DEFB118: variants seen among roughly 807,000 people sequenced by gnomAD.
DEFB118 encodes defensin beta 118.
A neutral mutation model predicts 2.8 loss-of-function variants in DEFB118; 3 were observed. That is an observed-to-expected ratio of 1.09 (90% CI 0.50 to 2.82). The LOEUF (loss-of-function observed/expected upper bound fraction) is 2.82, where lower values mean the gene tolerates loss of function less well. Ranked by LOEUF, DEFB118 falls within the 30% of genes most tolerant of loss-of-function variation. The probability of loss-of-function intolerance (pLI) is 0.04; values close to 1 mark genes in which losing one functional copy is unlikely to be tolerated. For synonymous variants in DEFB118, 63 were observed against 53.5 expected (o/e 1.18, Z -0.78); for missense variants, 159 against 144.6 (o/e 1.10, Z -0.51).
Position 31,372,922 on chromosome 20 carries a change from G to A in DEFB118, c.124G>A (p.Glu42Lys). The A allele has an allele frequency of 6.2e-7, 1 of 1,614,174 alleles. No individual in the cohort carries two copies. Among genetic ancestry groups the A allele is most frequent in the African/African-American group, 1.3e-5 (1 of 75,046 alleles). Residue 42 changes from glutamate (E) to lysine (K), a missense_variant, in exon 2 of 2, where the codon GAA (glutamate) becomes AAA (lysine). Glu to Lys is a moderately conservative substitution (Grantham distance 56). Transcript: ENST00000253381. ...CTGCAGGAAACAATGCAAAGATGGA[G>A]AAGCAGTGAAAGATACATGCAAAAA... The part of the protein sequence containing the change: ...GHCRKQCKDG[E>K]AVKDTCKNLR...
chr20:31,373,062 G>A lies in DEFB118; in HGVS notation c.264G>A (p.Arg88=), dbSNP rs1986243457. The A allele has an allele frequency of 3.1e-6, 5 of 1,614,062 alleles. No homozygotes were observed. The East Asian group carries it at 8.9e-5, about 29-fold the overall frequency. The change falls in exon 2 of 2, where the codon AGG becomes AGA. Residue 88 remains arginine (R), a synonymous_variant. Coordinates refer to ENST00000253381, the MANE Select transcript of DEFB118 (RefSeq NM_054112.3). ...PGIIDDILTV[R]FTTDYFEVSS... ...TTATTGATGATATTTTAACAGTAAG[G>A]TTCACGACAGACTACTTTGAAGTAA... is the stretch of plus-strand genomic sequence containing the variant.
At chr20:31,369,121 T>C (rs1319169333) in intron 1 of DEFB118, among the ~76,000 whole-genome samples, 1 of 152,220 alleles carries the variant, frequency 6.6e-6, no homozygotes, top group Non-Finnish European at 1.5e-5. Context: ...AAAACACTGG[T>C]AGAGCTGTTA....
At position 31,373,204 on chromosome 20, in the gene DEFB118, G is replaced by A. The variant is rs1478025027; in HGVS notation, c.*34G>A. Reference sequence around the variant, plus strand: ...CGGCTATCACTCACCCCTGTCCTCAGAGTGATAAACTAAGTCACATACAGA... The same window carrying A: ...CGGCTATCACTCACCCCTGTCCTCAAAGTGATAAACTAAGTCACATACAGA... On this transcript the variant is annotated 3_prime_UTR_variant, in exon 2 of 2. Transcript: ENST00000253381. 1 of 1,591,342 alleles carries A rather than the reference G, an allele frequency of 6.3e-7. No homozygotes were observed. Among genetic ancestry groups the A allele is most frequent in the Admixed American group, 1.7e-5 (1 of 59,252 alleles).
chr20:31,372,426 G>C (rs149696633), intron 1 of DEFB118, among the ~76,000 whole-genome samples: 1 of 152,114 alleles, frequency 6.6e-6, no homozygotes, highest in Non-Finnish European at 1.5e-5. Flanking sequence ...GCGCGTGCCT[G>C]TAGTCCCAGC....
At chr20:31,369,392 T>TG (rs974855351) in intron 1 of DEFB118, among the ~76,000 whole-genome samples, 2 of 145,318 alleles carry the variant, frequency 1.4e-5, no homozygotes, top group African/African-American at 2.6e-5. Flanking sequence ...TGTGTTTTTT[T>TG]TTTTTTTTTT....
chr20:31,371,794 A>G (rs1986214594), intron 1 of DEFB118, among the ~76,000 whole-genome samples: 1 of 152,166 alleles, frequency 6.6e-6, no homozygotes, highest in African/African-American at 2.4e-5. Flanking sequence ...TCACTGGAGT[A>G]GTGTACATTA....
chr20:31,372,972 C>A lies in DEFB118; in HGVS notation c.174C>A (p.Ser58=). 1 of 1,614,174 alleles carries A rather than the reference C, an allele frequency of 6.2e-7. No homozygotes were observed. Among genetic ancestry groups the A allele is most frequent in the Non-Finnish European group, 8.5e-7 (1 of 1,180,018 alleles). ...ATCTTCGAGCTTGCTGCATTCCATC[C>A]AATGAAGACCACAGGCGAGTTCCTG... ...CKNLRACCIP[S]NEDHRRVPAT... The change falls in exon 2 of 2, where the codon TCC becomes TCA. Residue 58 remains serine (S), a synonymous_variant. Transcript: ENST00000253381.
At position 31,373,308 on chromosome 20, in the gene DEFB118, G is replaced by T. The variant is rs1015590856; in HGVS notation, c.*138G>T. The T allele has an allele frequency of 1.7e-5, 13 of 755,532 alleles. No homozygotes were observed. The highest frequency in any genetic ancestry group is 3.5e-5 in the African/African-American group (2 of 56,510). The allele number at this position is 755,532 out of a possible 1,614,324, so 46.8% of individuals were successfully genotyped here. The stretch of plus-strand genomic sequence containing the variant: ...CTATTAATAGAAACAGCTGTGTAAA[G>T]AAGTCTAAAATTTTCACTATTTCCA... On this transcript the variant is annotated 3_prime_UTR_variant, in exon 2 of 2. Coordinates refer to ENST00000253381, the MANE Select transcript of DEFB118 (RefSeq NM_054112.3).
chr20:31,371,831 C>G (rs115580942), intron 1 of DEFB118, among the ~76,000 whole-genome samples: 3,214 of 152,078 alleles, frequency 0.021, 79 homozygotes, highest in African/African-American at 0.061. Flanking sequence ...TTTCATCCCT[C>G]CCCCTCCTCT....
chr20:31,373,499 G>C lies in DEFB118; in HGVS notation c.*329G>C, dbSNP rs745501948. 3.2e-5 allele frequency: 9 copies of C among 281,448 alleles called. No homozygotes were observed. Among genetic ancestry groups the C allele is most frequent in the Non-Finnish European group, 4.7e-5 (7 of 149,306 alleles). The allele number at this position is 281,448 out of a possible 1,614,324, so 17.4% of individuals were successfully genotyped here. On this transcript the variant is annotated 3_prime_UTR_variant, in exon 2 of 2. Transcript: ENST00000253381. ...CATGTATCGTTCTGTCTTCTCAACA[G>C]CTGTCTTCATGGCAGCATAAGTGGT...
rs1986258323 is a variant in DEFB118, at chr20:31,373,857, A to G, written c.*687A>G. On this transcript the variant is annotated 3_prime_UTR_variant, in exon 2 of 2. Transcript: ENST00000253381. ...TTGTGGGTGAAAGGATGGATCATTT[A>G]TCTACCTGATTACTGAGAGCTTTAT... The G allele has an allele frequency of 6.8e-6, 1 of 146,172 alleles. No homozygotes were observed. Among genetic ancestry groups the G allele is most frequent in the Non-Finnish European group, 1.5e-5 (1 of 67,144 alleles). The allele number at this position is 146,172 out of a possible 1,614,324, so 9.1% of individuals were successfully genotyped here. A position where few individuals can be genotyped will look rare whatever the true frequency, so the allele number is the denominator to read the frequency against.
chr20:31,369,449 G>A (rs918621441), intron 1 of DEFB118, among the ~76,000 whole-genome samples: 4 of 144,852 alleles, frequency 2.8e-5, no homozygotes, highest in Admixed American at 6.9e-5. Context: ...GAGTGCAGTG[G>A]CGCAATCTCA....
At chr20:31,369,135 G>A (rs1019872530) in intron 1 of DEFB118, among the ~76,000 whole-genome samples, 25 of 152,116 alleles carry the variant, frequency 1.6e-4, no homozygotes, top group South Asian at 4.1e-4. Flanking sequence ...GCTGTTACAC[G>A]GAAGACAGAA....
rs1473091468 is a variant in DEFB118 at position 31,373,412 on chromosome 20, G to A, written c.*242G>A. On this transcript the variant is annotated 3_prime_UTR_variant, in exon 2 of 2. Transcript: ENST00000253381. ...TTATAACCTATTTTTAGTATTTCTT[G>A]TTTGCTAGTGACCTATGCACAACTT... The A allele has an allele frequency of 1.9e-6, 1 of 517,714 alleles. No homozygotes were observed. The highest frequency in any genetic ancestry group is 3.4e-6 in the Non-Finnish European group (1 of 292,158). 32.1% of individuals were successfully genotyped at this position (517,714 alleles called of 1,614,324 possible). A position where few individuals can be genotyped will look rare whatever the true frequency, so the allele number is the denominator to read the frequency against.
At position 31,373,900 on chromosome 20, in the gene DEFB118, C is replaced by CAAAAAAAAAAAAA. The variant is rs60446679; in HGVS notation, c.*741_*753dup. 1.5e-5 allele frequency: 1 copy of CAAAAAAAAAAAAA among 64,594 alleles called. No individual in the cohort carries two copies. The highest frequency in any genetic ancestry group is 3.6e-5 in the Non-Finnish European group (1 of 27,532). The allele number at this position is 64,594 out of a possible 1,614,324, so 4.0% of individuals were successfully genotyped here. A position where few individuals can be genotyped will look rare whatever the true frequency, so the allele number is the denominator to read the frequency against. On this transcript the variant is annotated 3_prime_UTR_variant, in exon 2 of 2. Transcript: ENST00000253381. ...AGCTTTATTTGTCTCCCTCTGATAG[C>CAAAAAAAAAAAAA]AAAAAAAAAAAAAAAAAAAAAAATC...
rs144017667 is a variant in DEFB118, at chr20:31,369,157, T to C, written c.58+449T>C. 2.0e-3 allele frequency among the ~76,000 whole-genome samples: 312 copies of C among 152,342 alleles called. 1 individual carries two copies. Among genetic ancestry groups the C allele is most frequent in the South Asian group, 0.011 (53 of 4,826 alleles). On this transcript the variant is annotated intron_variant, in intron 1 of 1. Transcript: ENST00000253381. ...CACGGAAGACAGAACTGGCTTTTCT[T>C]CTTCCTTCTACAGTGAAAATCTAAG...
chr20:31,370,811 C>A (rs1387535666), intron 1 of DEFB118, among the ~76,000 whole-genome samples: 1 of 152,102 alleles, frequency 6.6e-6, no homozygotes, highest in Non-Finnish European at 1.5e-5. Context: ...TGTGCAATGG[C>A]GCGATCTCAG....
At position 31,370,374 on chromosome 20, in the gene DEFB118, G is replaced by T. The variant is rs1037491728; in HGVS notation, c.58+1666G>T. ...TGTGTCTGCTTTGAGTGCTAGTGGAGATATTGAGACTAGGAAAGAGACAGA... is the reference window on the plus strand; with the variant it reads ...TGTGTCTGCTTTGAGTGCTAGTGGATATATTGAGACTAGGAAAGAGACAGA... On this transcript the variant is annotated intron_variant, in intron 1 of 1. Coordinates refer to ENST00000253381, the MANE Select transcript of DEFB118 (RefSeq NM_054112.3). Among the ~76,000 whole-genome samples the T allele has an allele frequency of 7.9e-5, 12 of 152,174 alleles. 1 individual carries two copies. The highest frequency in any genetic ancestry group is 1.5e-5 in the Non-Finnish European group (1 of 68,034).
At chr20:31,370,188 C>T (rs1986190800) in intron 1 of DEFB118, among the ~76,000 whole-genome samples, 1 of 152,120 alleles carries the variant, frequency 6.6e-6, no homozygotes, top group African/African-American at 2.4e-5. Context: ...TGTGTTCCTA[C>T]CCCAAGGGAT....
Sources: allele counts gnomAD v4.1 joint callset (sites outside exome capture counted in the v4.1 genomes callset), GRCh38; gene constraint gnomAD v4.1.1; transcripts MANE v1.5; gene names NCBI Gene and HGNC (gene_info 2026-07-23, HGNC 2026-07-21).